The following RBM19 variants were observed in gnomAD, a reference collection of about 807,000 sequenced individuals.
RBM19 encodes the protein RNA binding motif protein 19, also known as probable RNA-binding protein 19.
A neutral mutation model predicts 116.8 loss-of-function variants in RBM19; 94 were observed. The observed-to-expected ratio is 0.80, with a 90% CI of 0.68 to 0.95. The LOEUF (loss-of-function observed/expected upper bound fraction) is 0.95, where lower values mean the gene tolerates loss of function less well. RBM19 is among the 40% of genes least tolerant of loss of function. The probability of loss-of-function intolerance (pLI) is 0.00; values close to 1 mark genes in which losing one functional copy is unlikely to be tolerated. For synonymous variants in RBM19, 475 were observed against 494.1 expected (o/e 0.96, Z 0.51); for missense variants, 1,161 against 1,220.7 (o/e 0.95, Z 0.73).
Position 113,889,947 on chromosome 12 carries a change from C to A in RBM19, c.2558+25022G>T, listed in dbSNP as rs192329555. 4.7e-3 allele frequency among the ~76,000 whole-genome samples: 709 copies of A among 152,174 alleles called. 7 individuals carry two copies. The highest frequency in any genetic ancestry group is 8.3e-3 in the South Asian group (40 of 4,820). ...GATCAGAGAGCCTCAGCGCTCAGAT[C>A]CGCACCCTCCTTCTCCAGCTCCCCA... On this transcript the variant is annotated intron_variant, in intron 21 of 23. Transcript: ENST00000261741.
At chr12:113,832,740 G>A (rs1442195787) in intron 23 of RBM19, among the ~76,000 whole-genome samples, 1 of 152,156 alleles carries the variant, frequency 6.6e-6, no homozygotes. Context: ...GTCTCCAGGT[G>A]GATGGAAGGA....
chr12:113,905,013 G>A (rs1881947819), intron 21 of RBM19, among the ~76,000 whole-genome samples: 2 of 152,158 alleles, frequency 1.3e-5, no homozygotes, highest in African/African-American at 4.8e-5. Context: ...GGTCCAAGCC[G>A]CAGTCAGCTA....
intron 6 of RBM19, among the ~76,000 whole-genome samples, chr12:113,955,893 G>A (rs1449168630): frequency 6.6e-6 from 1 of 152,180 alleles, no homozygotes; most frequent in Non-Finnish European, 1.5e-5. Flanking sequence ...TAGGCAGAGG[G>A]GAGTGAGCCC....
intron 16 of RBM19, among the ~76,000 whole-genome samples, chr12:113,930,547 T>A (rs1461450836): frequency 6.6e-6 from 1 of 152,218 alleles, no homozygotes; most frequent in Non-Finnish European, 1.5e-5. Flanking sequence ...GGTGAAGACC[T>A]ATTATCTGGG....
intron 6 of RBM19, among the ~76,000 whole-genome samples, chr12:113,957,073 T>G (rs1872007948): frequency 6.6e-6 from 1 of 152,236 alleles, no homozygotes; most frequent in African/African-American, 2.4e-5. Context: ...TGGTGGGATA[T>G]GGGTGTGTTG....
chr12:113,832,445 C>T (rs1875509422), intron 23 of RBM19, among the ~76,000 whole-genome samples: 1 of 152,194 alleles, frequency 6.6e-6, no homozygotes, highest in Non-Finnish European at 1.5e-5. Context: ...CCACCTTGGC[C>T]TCCCAAAGTG....
At chr12:113,892,002 T>G (rs1450629758) in intron 21 of RBM19, among the ~76,000 whole-genome samples, 1 of 152,204 alleles carries the variant, frequency 6.6e-6, no homozygotes, top group Admixed American at 6.5e-5. Context: ...ACCCTGTCTG[T>G]GTCACCCGTG....
At chr12:113,947,595 T>C (rs1871142049) in intron 10 of RBM19, 131 bp from the exon 11 acceptor site, 1 of 957,254 alleles carries the variant, frequency 1.0e-6, no homozygotes, top group East Asian at 2.8e-5. Flanking sequence ...TACGTGTGTC[T>C]ATCCTAACAG....
At chr12:113,851,314 T>C (rs944373984) in intron 22 of RBM19, among the ~76,000 whole-genome samples, 5 of 152,176 alleles carry the variant, frequency 3.3e-5, no homozygotes, top group Admixed American at 3.3e-4. Flanking sequence ...CCTAGCTCGC[T>C]CAGCTCAGTG....
Position 113,945,821 on chromosome 12 carries a change from T to C in RBM19, c.1626+7A>G. On this transcript the variant is annotated splice_region_variant and intron_variant, in intron 13 of 23. Transcript: ENST00000261741. ...ATCCCAGAGAGGACTGGTCGGCCCT[T>C]ACTCACGTGGTCAAACACTTGACTC... 1 of 1,538,124 alleles carries C rather than the reference T, an allele frequency of 6.5e-7. No homozygotes were observed. Among genetic ancestry groups the C allele is most frequent in the Non-Finnish European group, 9.0e-7 (1 of 1,111,324 alleles).
intron 23 of RBM19, among the ~76,000 whole-genome samples, chr12:113,830,924 T>C (rs981128900): frequency 7.2e-5 from 11 of 152,132 alleles, no homozygotes; most frequent in Admixed American, 5.9e-4. Context: ...TACCAGGCTG[T>C]GTAAGTGCAA....
intron 21 of RBM19, among the ~76,000 whole-genome samples, chr12:113,914,009 C>T (rs1376036589): frequency 1.3e-5 from 2 of 152,178 alleles, no homozygotes; most frequent in Non-Finnish European, 2.9e-5. Context: ...GATATGAGGA[C>T]GTTTCTTTCA....
At chr12:113,856,794 C>T (rs886473471) in intron 22 of RBM19, among the ~76,000 whole-genome samples, 4 of 152,120 alleles carry the variant, frequency 2.6e-5, no homozygotes, top group Non-Finnish European at 4.4e-5. Flanking sequence ...GCCAATAGCC[C>T]GTATGTAGGG....
chr12:113,924,638 T>C, intron 18 of RBM19, 59 bp downstream of exon 18: 1 of 1,439,936 alleles, frequency 6.9e-7, no homozygotes, highest in Non-Finnish European at 9.8e-7. Flanking sequence ...TGGAGCTTCT[T>C]TTGGAATCCA....
chr12:113,960,201 T>C, intron 2 of RBM19, 23 bp from the exon 3 acceptor site: 1 of 1,612,606 alleles, frequency 6.2e-7, no homozygotes, highest in Middle Eastern at 2.0e-4. Context: ...GAGAGTGATT[T>C]TCACACCTGC....
chr12:113,942,159 T>C (rs1645379135), intron 14 of RBM19, among the ~76,000 whole-genome samples, 165 bp downstream of exon 14: 1 of 152,192 alleles, frequency 6.6e-6, no homozygotes, highest in African/African-American at 2.4e-5. Flanking sequence ...GATAGGCCAC[T>C]TGTCTCAGCC....
At chr12:113,818,461 C>T (rs1362329711), downstream of RBM19, among the ~76,000 whole-genome samples, 1 of 152,212 alleles carries the variant, frequency 6.6e-6, no homozygotes, top group Non-Finnish European at 1.5e-5. Flanking sequence ...GGCGCAGCGC[C>T]CTGTGAGTCC....
chr12:113,877,025 A>C (rs1208712934), intron 21 of RBM19, among the ~76,000 whole-genome samples: 1 of 152,184 alleles, frequency 6.6e-6, no homozygotes, highest in African/African-American at 2.4e-5. Flanking sequence ...GGTGCAAAAT[A>C]TCAAGCCACA....
intron 16 of RBM19, among the ~76,000 whole-genome samples, chr12:113,935,165 G>C (rs924276884): frequency 1.3e-5 from 2 of 152,236 alleles, no homozygotes; most frequent in African/African-American, 4.8e-5. Flanking sequence ...GGTGGAAGCG[G>C]TCACTTTGGG....
Sources: allele counts gnomAD v4.1 joint callset (sites outside exome capture counted in the v4.1 genomes callset), GRCh38; gene constraint gnomAD v4.1.1; transcripts MANE v1.5; gene names NCBI Gene and HGNC (gene_info 2026-07-23, HGNC 2026-07-21).